Variants in GRM1 observed in about 807,000 individuals in gnomAD.
GRM1 encodes metabotropic glutamate receptor 1.
A neutral mutation model predicts 90.9 loss-of-function variants in GRM1; 33 were observed. The observed-to-expected ratio is 0.36, with a 90% CI of 0.28 to 0.49. The LOEUF is 0.49. GRM1 is among the 20% of genes least tolerant of loss of function. GRM1 has a pLI of 0.99. For missense variants in GRM1, 1,190 were observed against 1,534.3 expected, an observed-to-expected ratio of 0.78 and a Z score of 3.75; for synonymous variants, 700 against 613.2, an observed-to-expected ratio of 1.14 and a Z score of -2.09.
chr6:146,221,891 A>T (rs942881663), intron 2 of GRM1, among the ~76,000 whole-genome samples: 2 of 152,160 alleles, frequency 1.3e-5, no homozygotes, highest in Admixed American at 6.6e-5. Flanking sequence ...TTTGTATTTC[A>T]TATAATTTTT....
At chr6:146,326,942 T>C (rs1784419347) in intron 3 of GRM1, among the ~76,000 whole-genome samples, 2 of 152,214 alleles carry the variant, frequency 1.3e-5, no homozygotes, top group Admixed American at 6.5e-5. Context: ...GCCTTGATTT[T>C]CTTTAAATAA....
chr6:146,230,523 G>A (rs1780412669), intron 2 of GRM1, among the ~76,000 whole-genome samples: 4 of 152,112 alleles, frequency 2.6e-5, no homozygotes, highest in Admixed American at 2.6e-4. Context: ...CACAATGTTG[G>A]CAAGGATGTG....
intron 3 of GRM1, among the ~76,000 whole-genome samples, chr6:146,308,978 A>G (rs1274840055): frequency 2.6e-5 from 4 of 152,136 alleles, no homozygotes; most frequent in Non-Finnish European, 4.4e-5. Context: ...GCTTATTCAC[A>G]ATTTTCAAAA....
intron 3 of GRM1, among the ~76,000 whole-genome samples, chr6:146,348,048 C>G (rs1785246563): frequency 6.6e-6 from 1 of 152,170 alleles, no homozygotes; most frequent in Non-Finnish European, 1.5e-5. Flanking sequence ...TTATTTGGTT[C>G]CATTTAGCAT....
intron 1 of GRM1, among the ~76,000 whole-genome samples, chr6:146,081,287 A>G (rs1180291674): frequency 1.3e-5 from 2 of 152,246 alleles, no homozygotes; most frequent in Non-Finnish European, 2.9e-5. Flanking sequence ...ATTATTTCAA[A>G]ATAACAAGTT....
intron 5 of GRM1, among the ~76,000 whole-genome samples, chr6:146,368,190 A>G (rs1289620333): frequency 1.4e-5 from 2 of 144,364 alleles, no homozygotes; most frequent in East Asian, 4.1e-4. Context: ...ACATGCCACT[A>G]ATATTTGTAT....
At chr6:146,123,580 A>G (rs1776085380) in intron 1 of GRM1, among the ~76,000 whole-genome samples, 1 of 152,188 alleles carries the variant, frequency 6.6e-6, no homozygotes, top group Non-Finnish European at 1.5e-5. Context: ...CTCATGATAC[A>G]ATCAGCAGTA....
chr6:146,264,524 GT>G (rs1040023797), intron 2 of GRM1, among the ~76,000 whole-genome samples: 8 of 146,286 alleles, frequency 5.5e-5, no homozygotes, highest in Admixed American at 1.4e-4. Flanking sequence ...TTTTGTTTTT[GT>G]TTTTTTTTTA....
At chr6:146,319,339 G>A (rs1252243816) in intron 3 of GRM1, among the ~76,000 whole-genome samples, 3 of 152,092 alleles carry the variant, frequency 2.0e-5, no homozygotes, top group Admixed American at 6.5e-5. Context: ...TATATGTTTT[G>A]GTACCAGTAC....
chr6:146,055,447 G>T (rs1775451495), intron 1 of GRM1, among the ~76,000 whole-genome samples: 1 of 152,040 alleles, frequency 6.6e-6, no homozygotes, highest in Non-Finnish European at 1.5e-5. Context: ...TCCTGAGAAT[G>T]AGAAATTTCA....
intron 2 of GRM1, among the ~76,000 whole-genome samples, chr6:146,212,723 G>A (rs924330886): frequency 2.0e-5 from 3 of 152,126 alleles, no homozygotes; most frequent in African/African-American, 7.2e-5. Flanking sequence ...TACAAACTCA[G>A]TTCAAAGATC....
At chr6:146,313,560 A>G (rs1783847878) in intron 3 of GRM1, among the ~76,000 whole-genome samples, 1 of 152,162 alleles carries the variant, frequency 6.6e-6, no homozygotes, top group Non-Finnish European at 1.5e-5. Flanking sequence ...CCTTGTATAC[A>G]TTTGCTGCTG....
intron 2 of GRM1, among the ~76,000 whole-genome samples, chr6:146,226,519 A>T (rs559464483): frequency 1.5e-4 from 23 of 152,214 alleles, no homozygotes; most frequent in African/African-American, 5.3e-4. Flanking sequence ...TTGCATATGA[A>T]ACCATCTGGA....
chr6:146,317,895 T>C (rs1429730180), intron 3 of GRM1, among the ~76,000 whole-genome samples: 1 of 152,222 alleles, frequency 6.6e-6, no homozygotes, highest in Non-Finnish European at 1.5e-5. Context: ...GGGTATCTAA[T>C]ATATGGGAAC....
At chr6:146,362,522 A>G (rs1371270685) in intron 5 of GRM1, among the ~76,000 whole-genome samples, 2 of 151,826 alleles carry the variant, frequency 1.3e-5, no homozygotes, top group Non-Finnish European at 2.9e-5. Flanking sequence ...TACTAAAAAT[A>G]CAAAAAGTTA....
intron 2 of GRM1, among the ~76,000 whole-genome samples, chr6:146,178,088 G>T (rs1448431690): frequency 6.6e-6 from 1 of 152,100 alleles, no homozygotes; most frequent in East Asian, 1.9e-4. Context: ...GTTTTCCGCA[G>T]ATCATAGTTT....
intron 2 of GRM1, among the ~76,000 whole-genome samples, chr6:146,213,454 T>C (rs1779748408): frequency 1.3e-5 from 2 of 152,150 alleles, no homozygotes; most frequent in Admixed American, 6.6e-5. Context: ...GTAGTATAGA[T>C]GACAGATTGA....
chr6:146,240,677 A>G (rs891424147), intron 2 of GRM1, among the ~76,000 whole-genome samples: 2 of 152,144 alleles, frequency 1.3e-5, no homozygotes, highest in African/African-American at 2.4e-5. Flanking sequence ...AGAAGGATGG[A>G]GAAGGCTCTG....
intron 2 of GRM1, among the ~76,000 whole-genome samples, chr6:146,169,927 T>C (rs1778041675): frequency 6.6e-6 from 1 of 152,214 alleles, no homozygotes; most frequent in African/African-American, 2.4e-5. Context: ...ATAGCTATCT[T>C]AGTGAGCATA....
Sources: allele counts gnomAD v4.1 joint callset (sites outside exome capture counted in the v4.1 genomes callset), GRCh38; gene constraint gnomAD v4.1.1; transcripts MANE v1.5; gene names NCBI Gene and HGNC (gene_info 2026-07-23, HGNC 2026-07-21).